The following HNF4G variants were observed in gnomAD, a reference collection of about 807,000 sequenced individuals.
HNF4G encodes the protein hepatocyte nuclear factor 4-gamma.
In HNF4G, 21 loss-of-function variants were observed where a neutral mutation model predicts 50.9. The ratio of observed to expected loss-of-function variants is 0.41; its 90% CI spans 0.29 to 0.59. HNF4G has a LOEUF of 0.59. Ranked by LOEUF, HNF4G falls within the 20% of genes least tolerant of loss-of-function variation. The pLI is 0.26. For synonymous variants in HNF4G, 198 were observed against 185.6 expected (o/e 1.07, Z -0.54); for missense variants, 527 against 559.4 (o/e 0.94, Z 0.58).
At chr8:75,445,587 A>G (rs1811405836) in intron 1 of HNF4G, among the ~76,000 whole-genome samples, 2 of 82,424 alleles carry the variant, frequency 2.4e-5, no homozygotes, top group Non-Finnish European at 4.4e-5. Flanking sequence ...ATAAAAAATG[A>G]TAAAGGGGAT....
intron 1 of HNF4G, among the ~76,000 whole-genome samples, chr8:75,423,750 G>A (rs910300162): frequency 6.8e-6 from 1 of 147,844 alleles, no homozygotes; most frequent in Non-Finnish European, 1.5e-5. Context: ...TTTTTAACAT[G>A]AGAATTAAAT....
intron 3 of HNF4G, 149 bp from the exon 4 acceptor site, chr8:75,551,239 G>T (rs1053784385): frequency 3.6e-6 from 2 of 552,610 alleles, no homozygotes; most frequent in Admixed American, 6.1e-5. Context: ...ATTTTTGAAA[G>T]TAGTGGAGAA....
At chr8:75,563,043 T>C (rs1807358800) in intron 9 of HNF4G, among the ~76,000 whole-genome samples, 1 of 152,094 alleles carries the variant, frequency 6.6e-6, no homozygotes, top group Non-Finnish European at 1.5e-5. Context: ...GAACACCAGG[T>C]AAAAGGAGAC....
chr8:75,537,698 T>C (rs1257010811), upstream of HNF4G, among the ~76,000 whole-genome samples: 1 of 152,076 alleles, frequency 6.6e-6, no homozygotes, highest in Non-Finnish European at 1.5e-5. Flanking sequence ...ATGGGTTGCT[T>C]TAACTTTTTT....
chr8:75,495,869 T>C (rs1812755810), intron 2 of HNF4G, among the ~76,000 whole-genome samples: 1 of 152,132 alleles, frequency 6.6e-6, no homozygotes. Context: ...AATACTGAAA[T>C]AGGTACAATA....
chr8:75,530,419 T>C (rs1292799647), intron 2 of HNF4G, among the ~76,000 whole-genome samples: 2 of 114,538 alleles, frequency 1.7e-5, no homozygotes, highest in Admixed American at 1.6e-4. Context: ...GGTGAATAGA[T>C]CCACCAGTAA....
chr8:75,557,346 A>G (rs905387428), intron 6 of HNF4G, among the ~76,000 whole-genome samples: 8 of 152,176 alleles, frequency 5.3e-5, no homozygotes, highest in Admixed American at 4.6e-4. Flanking sequence ...TGGGCCAGGC[A>G]TGGTGGCTCA....
rs537398512 is a variant in HNF4G, at chr8:75,428,373, G to T, written c.-144+20211G>T. On this transcript the variant is annotated intron_variant, in intron 1 of 10. Coordinates refer to the HNF4G transcript ENST00000354370. Reference sequence around the variant, plus strand: ...CTCTGATATATTTTAAAATTAAAAAGAAAATAAACTATTTCCTAGGGGCAG... The same window carrying T: ...CTCTGATATATTTTAAAATTAAAAATAAAATAAACTATTTCCTAGGGGCAG... Among the ~76,000 whole-genome samples, 14 of 152,174 alleles carry T rather than the reference G, an allele frequency of 9.2e-5. No homozygotes were observed. The South Asian group carries it at 2.9e-3, about 32-fold the overall frequency.
intron 1 of HNF4G, among the ~76,000 whole-genome samples, chr8:75,425,331 G>A (rs1004743873): frequency 1.3e-5 from 2 of 151,390 alleles, no homozygotes; most frequent in South Asian, 4.2e-4. Flanking sequence ...TGATCCTCTC[G>A]CCTTGGCTTC....
chr8:75,479,022 G>A (rs936803801), intron 1 of HNF4G, among the ~76,000 whole-genome samples: 4 of 152,102 alleles, frequency 2.6e-5, no homozygotes, highest in African/African-American at 9.7e-5. Flanking sequence ...CGCTCGGCCG[G>A]CAACGCATAA....
At chr8:75,537,400 C>G (rs375914294), upstream of HNF4G, among the ~76,000 whole-genome samples, 2 of 152,116 alleles carry the variant, frequency 1.3e-5, no homozygotes, top group South Asian at 4.2e-4. Flanking sequence ...CATGCCACCA[C>G]GCCTGTCTAG....
intron 1 of HNF4G, among the ~76,000 whole-genome samples, chr8:75,430,503 G>GGAGA (rs919552304): frequency 3.2e-5 from 4 of 123,302 alleles, no homozygotes; most frequent in Admixed American, 8.2e-5. Flanking sequence ...AGAGAGAGAG[G>GGAGA]GAGAGAGAGA....
intron 2 of HNF4G, among the ~76,000 whole-genome samples, chr8:75,516,989 G>A (rs1436501335): frequency 6.6e-6 from 1 of 152,086 alleles, no homozygotes; most frequent in Non-Finnish European, 1.5e-5. Flanking sequence ...AGTTCCACAT[G>A]GCCAGGGAGA....
At chr8:75,559,904 T>G (rs79165704) in intron 8 of HNF4G, among the ~76,000 whole-genome samples, 3,774 of 152,300 alleles carry the variant, frequency 0.025, 143 homozygotes, top group African/African-American at 0.085. Flanking sequence ...TATTTTGCAT[T>G]CCAATCTAGA....
intron 1 of HNF4G, 24 bp downstream of exon 1, chr8:75,540,104 T>A: frequency 7.7e-7 from 1 of 1,304,412 alleles, no homozygotes; most frequent in East Asian, 2.3e-5. Flanking sequence ...TGTTTATAGA[T>A]GTAAAGAAAA....
chr8:75,530,791 G>A (rs1340405467), intron 2 of HNF4G, among the ~76,000 whole-genome samples: 2 of 101,474 alleles, frequency 2.0e-5, no homozygotes, highest in Admixed American at 9.0e-5. Context: ...ATTGTTCAAT[G>A]TGCTTTTTTT....
chr8:75,421,383 T>C (rs1448199639), intron 1 of HNF4G, among the ~76,000 whole-genome samples: 1 of 152,248 alleles, frequency 6.6e-6, no homozygotes, highest in Non-Finnish European at 1.5e-5. Context: ...GACTTTTTAT[T>C]CAATTTTGTG....
At chr8:75,562,333 A>T (rs1008460903) in intron 9 of HNF4G, among the ~76,000 whole-genome samples, 2 of 152,304 alleles carry the variant, frequency 1.3e-5, no homozygotes, top group South Asian at 4.1e-4. Flanking sequence ...AAAGAGAAAG[A>T]AATGAAATTG....
Position 75,454,025 on chromosome 8 carries a change from T to TTCTCTC in HNF4G, c.-143-36041_-143-36036dup, listed in dbSNP as rs58676228. Reference sequence around the variant, plus strand: ...TAATTGCTTTATAAGAAGAAGAAATTTCTCTCTCTCTCTCTCTCTCTCTCT... The same window carrying TTCTCTC: ...TAATTGCTTTATAAGAAGAAGAAATTTCTCTCTCTCTCTCTCTCTCTCTCTCTCTCT... On this transcript the variant is annotated intron_variant, in intron 1 of 10. Transcript: ENST00000354370. Among the ~76,000 whole-genome samples, 413 of 133,884 alleles carry TTCTCTC rather than the reference T, an allele frequency of 3.1e-3. 1 individual carries two copies. The highest frequency in any genetic ancestry group is 8.0e-3 in the African/African-American group (281 of 35,148). 87.8% of individuals were successfully genotyped at this position (133,884 alleles called of 152,430 possible).
Sources: gnomAD v4.1 joint callset for allele counts (sites outside exome capture counted in the v4.1 genomes callset) on GRCh38, gnomAD v4.1.1 for gene constraint, MANE v1.5 for transcripts, NCBI Gene and HGNC (gene_info 2026-07-23, HGNC 2026-07-21) for gene names.